Variants in TNR observed in about 807,000 individuals in gnomAD.
TNR encodes tenascin R.
TNR carries 45 observed loss-of-function variants against 150.4 expected under a neutral mutation model. The observed-to-expected ratio is 0.30, with a 90% CI of 0.24 to 0.38. The LOEUF (loss-of-function observed/expected upper bound fraction) is 0.38. TNR is among the 10% of genes least tolerant of loss of function. The pLI is 1.00. For missense variants in TNR, 1,544 were observed against 1,759.1 expected (o/e 0.88, Z 2.19); for synonymous variants, 687 against 678.4 (o/e 1.01, Z -0.20).
intron 1 of TNR, among the ~76,000 whole-genome samples, chr1:175,574,613 T>C (rs1218456164): frequency 1.3e-5 from 2 of 152,202 alleles, no homozygotes; most frequent in Non-Finnish European, 2.9e-5. Flanking sequence ...AACCTTTTTA[T>C]ACACATACTT....
chr1:175,584,497 T>C (rs1662488230), intron 1 of TNR, among the ~76,000 whole-genome samples: 1 of 152,182 alleles, frequency 6.6e-6, no homozygotes, highest in African/African-American at 2.4e-5. Context: ...TTTTTAGCCA[T>C]CCAGTTTTTG....
chr1:175,489,696 T>G (rs1212363045), intron 2 of TNR, among the ~76,000 whole-genome samples: 1 of 152,228 alleles, frequency 6.6e-6, no homozygotes, highest in African/African-American at 2.4e-5. Context: ...TTGACAGGCT[T>G]GGTGTTTAAT....
chr1:175,642,405 C>A (rs964876846), intron 1 of TNR, among the ~76,000 whole-genome samples: 1 of 152,172 alleles, frequency 6.6e-6, no homozygotes, highest in Non-Finnish European at 1.5e-5. Context: ...GGAGATTCTT[C>A]TGGAGAAGAA....
At chr1:175,602,990 G>A (rs1663297892) in intron 1 of TNR, among the ~76,000 whole-genome samples, 1 of 152,118 alleles carries the variant, frequency 6.6e-6, no homozygotes, top group Non-Finnish European at 1.5e-5. Context: ...TAGAATAAAG[G>A]AGGAAAAAAT....
intron 2 of TNR, among the ~76,000 whole-genome samples, chr1:175,423,780 G>A (rs1654855013): frequency 6.6e-6 from 1 of 152,174 alleles, no homozygotes; most frequent in Admixed American, 6.5e-5. Context: ...GGTGGATAAA[G>A]CCACATAATA....
At chr1:175,600,820 A>G (rs1411406720) in intron 1 of TNR, among the ~76,000 whole-genome samples, 2 of 152,258 alleles carry the variant, frequency 1.3e-5, no homozygotes, top group Non-Finnish European at 2.9e-5. Context: ...TGAAAAACCC[A>G]AAAAGCAAAA....
chr1:175,570,248 C>A (rs74127346), intron 1 of TNR, among the ~76,000 whole-genome samples: 3 of 152,184 alleles, frequency 2.0e-5, no homozygotes, highest in Admixed American at 6.5e-5. Context: ...TACAAACCCA[C>A]CTCAATTTCA....
intron 1 of TNR, among the ~76,000 whole-genome samples, chr1:175,726,269 C>T (rs1041510580): frequency 6.6e-5 from 10 of 152,168 alleles, no homozygotes; most frequent in African/African-American, 2.2e-4. Context: ...GGCATCTACC[C>T]TATGTTACAT....
chr1:175,456,287 C>A (rs1656569055), intron 2 of TNR, among the ~76,000 whole-genome samples: 1 of 152,164 alleles, frequency 6.6e-6, no homozygotes, highest in Non-Finnish European at 1.5e-5. Context: ...GCCTTCCTGG[C>A]CAACCTATTT....
At chr1:175,699,184 T>C (rs1193146345) in intron 1 of TNR, among the ~76,000 whole-genome samples, 1 of 152,106 alleles carries the variant, frequency 6.6e-6, no homozygotes, top group African/African-American at 2.4e-5. Flanking sequence ...GAATCCAGGC[T>C]GACTTCAAGG....
At chr1:175,326,918 G>A (rs1414493040) in intron 21 of TNR, among the ~76,000 whole-genome samples, 1 of 150,716 alleles carries the variant, frequency 6.6e-6, no homozygotes, top group Non-Finnish European at 1.5e-5. Flanking sequence ...TGCCCGCCTC[G>A]GCCTCCCAAA....
intron 1 of TNR, among the ~76,000 whole-genome samples, chr1:175,581,613 T>C (rs538807413): frequency 6.6e-6 from 1 of 152,334 alleles, no homozygotes; most frequent in Non-Finnish European, 1.5e-5. Flanking sequence ...AACTTCTATG[T>C]GCCCAATGCT....
intron 1 of TNR, among the ~76,000 whole-genome samples, chr1:175,587,561 G>A (rs1276785962): frequency 1.3e-5 from 2 of 152,140 alleles, no homozygotes; most frequent in Non-Finnish European, 2.9e-5. Context: ...CAACAAAGTT[G>A]TGTAGCATGC....
At chr1:175,405,319 TAG>T (rs1172520046) in intron 3 of TNR, among the ~76,000 whole-genome samples, 1 of 152,228 alleles carries the variant, frequency 6.6e-6, no homozygotes, top group East Asian at 1.9e-4. Flanking sequence ...CTTGTTGCTC[TAG>T]TCTAGCACCA....
At chr1:175,458,589 G>A (rs1656670703) in intron 2 of TNR, among the ~76,000 whole-genome samples, 1 of 152,142 alleles carries the variant, frequency 6.6e-6, no homozygotes, top group Admixed American at 6.6e-5. Flanking sequence ...TTAGAAGAGA[G>A]GATGGTCAGG....
At chr1:175,426,951 AT>A (rs869121768) in intron 2 of TNR, among the ~76,000 whole-genome samples, 2 of 76,666 alleles carry the variant, frequency 2.6e-5, no homozygotes, top group Admixed American at 2.7e-4. Context: ...TTATATATAT[AT>A]TATATATAAA....
chr1:175,435,196 T>G (rs74130303), intron 2 of TNR, among the ~76,000 whole-genome samples: 37,255 of 151,972 alleles, frequency 0.25, 5,623 homozygotes, highest in African/African-American at 0.42. Context: ...GAAGTAGAAA[T>G]ACCAGTTAGG....
chr1:175,605,406 A>G (rs1309673435), intron 1 of TNR, among the ~76,000 whole-genome samples: 1 of 152,210 alleles, frequency 6.6e-6, no homozygotes, highest in Non-Finnish European at 1.5e-5. Context: ...GCATGTATAC[A>G]CTTACTTAGT....
intron 1 of TNR, among the ~76,000 whole-genome samples, chr1:175,620,262 G>A (rs2101863831): frequency 6.6e-6 from 1 of 152,330 alleles, no homozygotes; most frequent in African/African-American, 2.4e-5. Context: ...CTTTCAGCTA[G>A]ACGGATTGCT....
Sources: gnomAD v4.1 joint callset for allele counts (sites outside exome capture counted in the v4.1 genomes callset) on GRCh38, gnomAD v4.1.1 for gene constraint, MANE v1.5 for transcripts, NCBI Gene and HGNC (gene_info 2026-07-23, HGNC 2026-07-21) for gene names.